ADAMTSL3: variants seen among roughly 807,000 people sequenced by gnomAD.
ADAMTSL3 encodes ADAMTS like 3, also known as ADAMTS-like protein 3.
ADAMTSL3 carries 128 observed loss-of-function variants against 201.7 expected under a neutral mutation model. The observed-to-expected ratio is 0.63, with a 90% CI of 0.55 to 0.73. The LOEUF (loss-of-function observed/expected upper bound fraction) is 0.73, where lower values mean the gene tolerates loss of function less well. ADAMTSL3 is among the 30% of genes least tolerant of loss of function. The probability of loss-of-function intolerance (pLI) is 0.00; values close to 1 mark genes in which losing one functional copy is unlikely to be tolerated. For synonymous variants in ADAMTSL3, 738 were observed against 748.4 expected, an observed-to-expected ratio of 0.99 and a Z score of 0.23; for missense variants, 1,990 against 2,119.6, an observed-to-expected ratio of 0.94 and a Z score of 1.20.
At chr15:83,775,765 G>A (rs1236493843) in intron 4 of ADAMTSL3, among the ~76,000 whole-genome samples, 1 of 152,114 alleles carries the variant, frequency 6.6e-6, no homozygotes, top group Non-Finnish European at 1.5e-5. Context: ...AAATTCCTTG[G>A]GATTTCTTGC....
intron 3 of ADAMTSL3, among the ~76,000 whole-genome samples, chr15:83,737,436 C>A (rs935722905): frequency 7.9e-5 from 12 of 152,082 alleles, no homozygotes; most frequent in Non-Finnish European, 1.2e-4. Flanking sequence ...TGAGTTCTCA[C>A]GAGATCTGAT....
chr15:83,681,961 A>G (rs1385393270), intron 2 of ADAMTSL3, among the ~76,000 whole-genome samples: 1 of 152,162 alleles, frequency 6.6e-6, no homozygotes, highest in African/African-American at 2.4e-5. Context: ...CCTGTACTTG[A>G]TCTAGCAAAA....
At chr15:83,981,684 A>T (rs76000868) in intron 20 of ADAMTSL3, among the ~76,000 whole-genome samples, 3 of 152,160 alleles carry the variant, frequency 2.0e-5, no homozygotes, top group African/African-American at 7.2e-5. Context: ...TCAGACCCCC[A>T]TGCCAATTTA....
At chr15:83,663,585 T>C (rs2061205691) in intron 2 of ADAMTSL3, among the ~76,000 whole-genome samples, 2 of 152,212 alleles carry the variant, frequency 1.3e-5, no homozygotes, top group Admixed American at 1.3e-4. Context: ...TGATACACAT[T>C]GTGGCCTTCC....
At chr15:83,669,900 G>A (rs1046855021) in intron 2 of ADAMTSL3, among the ~76,000 whole-genome samples, 1 of 151,932 alleles carries the variant, frequency 6.6e-6, no homozygotes, top group Non-Finnish European at 1.5e-5. Flanking sequence ...ATGACTTTGG[G>A]AGGAGTTGAC....
At chr15:84,014,876 A>G (rs534611148) in intron 24 of ADAMTSL3, 152 bp downstream of exon 24, 2 of 745,332 alleles carry the variant, frequency 2.7e-6, no homozygotes, top group Admixed American at 6.0e-5. Flanking sequence ...CGAGCACTAA[A>G]TTCTAACACC....
At chr15:83,994,348 G>A (rs1489304080) in intron 23 of ADAMTSL3, among the ~76,000 whole-genome samples, 1 of 152,168 alleles carries the variant, frequency 6.6e-6, no homozygotes, top group Non-Finnish European at 1.5e-5. Flanking sequence ...CATCCCACCA[G>A]GCAGCTAGGT....
chr15:83,858,643 G>C, intron 7 of ADAMTSL3, 123 bp from the exon 8 acceptor site: 2 of 731,590 alleles, frequency 2.7e-6, no homozygotes, highest in South Asian at 3.9e-5. Flanking sequence ...GAAGTGCTAG[G>C]ATTACAGAAA....
chr15:83,801,651 A>AATATATATATAT (rs68098545), intron 4 of ADAMTSL3, among the ~76,000 whole-genome samples: 352 of 30,834 alleles, frequency 0.011, 28 homozygotes, highest in Non-Finnish European at 0.017. Context: ...TATAAATATA[A>AATATATATATAT]ATATATATAT....
intron 23 of ADAMTSL3, among the ~76,000 whole-genome samples, chr15:84,011,391 G>A (rs927908407): frequency 3.3e-5 from 5 of 152,178 alleles, no homozygotes; most frequent in Non-Finnish European, 7.3e-5. Flanking sequence ...TTAGACCACT[G>A]GGGCTGCTAT....
At chr15:83,680,147 A>T (rs951648019) in intron 2 of ADAMTSL3, among the ~76,000 whole-genome samples, 1 of 152,154 alleles carries the variant, frequency 6.6e-6, no homozygotes, top group East Asian at 1.9e-4. Flanking sequence ...TGGAGAGAGC[A>T]GGCTTTTATT....
At chr15:83,902,979 G>A (rs1205575509) in intron 15 of ADAMTSL3, among the ~76,000 whole-genome samples, 9 of 151,970 alleles carry the variant, frequency 5.9e-5, no homozygotes, top group East Asian at 1.9e-4. Flanking sequence ...TTGTTTCATC[G>A]AAACCATCAC....
chr15:83,817,727 C>T (rs2063791600), intron 5 of ADAMTSL3, among the ~76,000 whole-genome samples: 1 of 152,074 alleles, frequency 6.6e-6, no homozygotes. Flanking sequence ...AAAGCAAATA[C>T]ACATGAAAAT....
rs956955822 is a variant in ADAMTSL3, at chr15:83,921,714, C to T, written c.1988-2190C>T. On this transcript the variant is annotated intron_variant, in intron 16 of 29. Coordinates refer to ENST00000286744, the MANE Select transcript of ADAMTSL3 (RefSeq NM_207517.3). Reference sequence around the variant, plus strand: ...ATATGTATGTATTTTGAGACAGAGTCTTTCTCTGTGCCCAGGCTGGACTGC... The same window carrying T: ...ATATGTATGTATTTTGAGACAGAGTTTTTCTCTGTGCCCAGGCTGGACTGC... Among the ~76,000 whole-genome samples the T allele has an allele frequency of 1.4e-4, 21 of 152,136 alleles. 1 individual carries two copies. The highest frequency in any genetic ancestry group is 1.1e-3 in the Admixed American group (17 of 15,282).
chr15:84,031,184 A>G (rs1299607632), intron 27 of ADAMTSL3, 151 bp from the exon 28 acceptor site: 3 of 718,026 alleles, frequency 4.2e-6, no homozygotes, highest in Non-Finnish European at 7.2e-6. Context: ...ACAGAGCTGT[A>G]CCCTAATCCT....
chr15:83,956,548 T>C (rs986714086), intron 19 of ADAMTSL3, among the ~76,000 whole-genome samples: 2 of 152,180 alleles, frequency 1.3e-5, no homozygotes, highest in Non-Finnish European at 2.9e-5. Context: ...ACTGGAATAA[T>C]AGTGTCTTTT....
At chr15:83,763,989 T>G (rs2062853336) in intron 3 of ADAMTSL3, among the ~76,000 whole-genome samples, 1 of 152,196 alleles carries the variant, frequency 6.6e-6, no homozygotes, top group Admixed American at 6.5e-5. Context: ...AGGGTGGGCT[T>G]GAGGATGCTT....
chr15:83,886,561 C>G (rs1051086855), intron 10 of ADAMTSL3, among the ~76,000 whole-genome samples: 33 of 152,114 alleles, frequency 2.2e-4, no homozygotes, highest in African/African-American at 7.2e-4. Context: ...TGCCCTTTGC[C>G]TCCCCTAAAC....
At chr15:84,036,115 G>A (rs2068500844) in intron 28 of ADAMTSL3, among the ~76,000 whole-genome samples, 1 of 152,176 alleles carries the variant, frequency 6.6e-6, no homozygotes, top group South Asian at 2.1e-4. Flanking sequence ...AACAAGGGCA[G>A]ATACCCCAAA....
Sources: allele counts gnomAD v4.1 joint callset (sites outside exome capture counted in the v4.1 genomes callset), GRCh38; gene constraint gnomAD v4.1.1; transcripts MANE v1.5; gene names NCBI Gene and HGNC (gene_info 2026-07-23, HGNC 2026-07-21).